The following ERC2 variants were observed in gnomAD, a reference collection of about 807,000 sequenced individuals.
The protein encoded by ERC2 is ERC protein 2.
Under a neutral mutation model 114.8 loss-of-function variants are expected in ERC2, and 42 were observed. The ratio of observed to expected loss-of-function variants is 0.37; its 90% confidence interval spans 0.29 to 0.47. ERC2 has a LOEUF of 0.47. ERC2 is among the 20% of genes least tolerant of loss of function. The pLI, the probability that ERC2 is intolerant of heterozygous loss-of-function variation, is 0.99. For synonymous variants in ERC2, 454 were observed against 425.5 expected (o/e 1.07, Z -0.82); for missense variants, 939 against 1,150.7 (o/e 0.82, Z 2.66).
chr3:56,142,665 G>A (rs2080923339), intron 5 of ERC2, among the ~76,000 whole-genome samples: 1 of 151,870 alleles, frequency 6.6e-6, no homozygotes. Context: ...CTCTTATTTA[G>A]ACATATTAAA....
At chr3:56,271,304 G>A (rs2053639622) in intron 3 of ERC2, among the ~76,000 whole-genome samples, 1 of 152,164 alleles carries the variant, frequency 6.6e-6, no homozygotes, top group South Asian at 2.1e-4. Context: ...TCATCCTACA[G>A]GAGCAATGAC....
At position 55,644,944 on chromosome 3, in the gene ERC2, C is replaced by T. The variant is rs565453085; in HGVS notation, c.*39+38850G>A. ...GATGGGTAGCTTTGCTTCCATATTG[C>T]TCACTACCCATAATTCAGCATATCT... On this transcript the variant is annotated intron_variant, in intron 17 of 17. Transcript: ENST00000288221. Among the ~76,000 whole-genome samples, 5 of 152,124 alleles carry T rather than the reference C, an allele frequency of 3.3e-5. No individual in the cohort carries two copies. In the South Asian group the frequency reaches 1.0e-3, roughly 32 times the overall value.
intron 2 of ERC2, among the ~76,000 whole-genome samples, chr3:56,332,039 G>C (rs774008104): frequency 1.3e-5 from 2 of 152,138 alleles, no homozygotes; most frequent in Non-Finnish European, 2.9e-5. Context: ...GGTTCAGGGA[G>C]CAGAGCAGGG....
At chr3:56,419,094 T>C (rs2061285728) in intron 2 of ERC2, among the ~76,000 whole-genome samples, 1 of 152,208 alleles carries the variant, frequency 6.6e-6, no homozygotes, top group Non-Finnish European at 1.5e-5. Flanking sequence ...CCTCTAAGGA[T>C]TTTCACAAGA....
intron 14 of ERC2, among the ~76,000 whole-genome samples, chr3:55,791,719 G>T (rs1368662507): frequency 3.9e-5 from 6 of 152,154 alleles, no homozygotes; most frequent in Non-Finnish European, 7.4e-5. Flanking sequence ...ATTCTTATTT[G>T]TGGTCAATAC....
At chr3:55,535,752 G>T (rs1455318676) in intron 17 of ERC2, among the ~76,000 whole-genome samples, 1 of 152,204 alleles carries the variant, frequency 6.6e-6, no homozygotes, top group Non-Finnish European at 1.5e-5. Context: ...CCAGCACTTT[G>T]GGAGGCCAAG....
intron 14 of ERC2, among the ~76,000 whole-genome samples, chr3:55,754,871 C>T (rs572587597): frequency 2.6e-5 from 4 of 152,148 alleles, no homozygotes; most frequent in Admixed American, 1.3e-4. Flanking sequence ...ATCTATAACC[C>T]ATAAGCTGTA....
chr3:55,806,836 C>G (rs139657805), intron 14 of ERC2, among the ~76,000 whole-genome samples: 1 of 152,298 alleles, frequency 6.6e-6, no homozygotes, highest in African/African-American at 2.4e-5. Flanking sequence ...AATGACTTAT[C>G]CTCACTCAGC....
chr3:56,270,709 G>A (rs1255170884), intron 3 of ERC2, among the ~76,000 whole-genome samples: 1 of 152,220 alleles, frequency 6.6e-6, no homozygotes, highest in Non-Finnish European at 1.5e-5. Context: ...GCAGGGCATG[G>A]TGGCTTATGC....
At chr3:55,982,018 C>A (rs2149505803) in intron 12 of ERC2, among the ~76,000 whole-genome samples, 1 of 152,256 alleles carries the variant, frequency 6.6e-6, no homozygotes, top group East Asian at 1.9e-4. Context: ...CCTGCCCTGG[C>A]TTTAGAGGGG....
chr3:56,154,667 T>C (rs1369013409), intron 4 of ERC2, among the ~76,000 whole-genome samples: 1 of 152,146 alleles, frequency 6.6e-6, no homozygotes, highest in East Asian at 1.9e-4. Flanking sequence ...TCTAAAGCAA[T>C]CCAGACAGAC....
At chr3:56,246,358 C>A (rs2051708551) in intron 3 of ERC2, among the ~76,000 whole-genome samples, 1 of 152,176 alleles carries the variant, frequency 6.6e-6, no homozygotes, top group Non-Finnish European at 1.5e-5. Context: ...CCCCTTCCCA[C>A]ACACACATCC....
At chr3:55,974,735 T>A (rs1255209134) in intron 12 of ERC2, among the ~76,000 whole-genome samples, 1 of 152,020 alleles carries the variant, frequency 6.6e-6, no homozygotes, top group Non-Finnish European at 1.5e-5. Context: ...GAAGGCCCAC[T>A]CACCAGGCCC....
intron 6 of ERC2, among the ~76,000 whole-genome samples, chr3:56,094,204 T>G (rs1320836597): frequency 1.3e-5 from 2 of 152,200 alleles, no homozygotes; most frequent in Non-Finnish European, 2.9e-5. Flanking sequence ...AAGAAAGGTT[T>G]GAGTGTGGCA....
intron 3 of ERC2, among the ~76,000 whole-genome samples, chr3:56,237,495 G>A (rs1482450261): frequency 1.3e-5 from 2 of 152,210 alleles, no homozygotes; most frequent in Non-Finnish European, 2.9e-5. Context: ...TTTTGGGGAT[G>A]TCAGTCACTG....
At chr3:55,717,012 T>C (rs2064159217) in intron 15 of ERC2, among the ~76,000 whole-genome samples, 2 of 152,118 alleles carry the variant, frequency 1.3e-5, no homozygotes, top group South Asian at 4.2e-4. Flanking sequence ...GACTCTCCCC[T>C]GAGATTTTGA....
intron 14 of ERC2, among the ~76,000 whole-genome samples, chr3:55,743,593 CAAAAA>C (rs367859231): frequency 2.1e-5 from 2 of 97,198 alleles, no homozygotes; most frequent in Non-Finnish European, 3.8e-5. Flanking sequence ...CCTGATCCAC[CAAAAA>C]AAAAAAAAAA....
chr3:55,851,375 T>C lies in ERC2; in HGVS notation c.2564+37014A>G, dbSNP rs770782967. Among the ~76,000 whole-genome samples, 26 of 152,240 alleles carry C rather than the reference T, an allele frequency of 1.7e-4. 1 individual carries two copies. The highest frequency in any genetic ancestry group is 3.4e-3 in the Middle Eastern group (1 of 294). On this transcript the variant is annotated intron_variant, in intron 14 of 17. Coordinates refer to ENST00000288221, the MANE Select transcript of ERC2 (RefSeq NM_015576.3). Reference sequence around the variant, plus strand: ...GATAATGGTGTTTGCTACAACTCTTTACAATCAATTATTTTGTCATTGTCT... The same window carrying C: ...GATAATGGTGTTTGCTACAACTCTTCACAATCAATTATTTTGTCATTGTCT...
chr3:55,733,390 A>G (rs2065383489), intron 15 of ERC2, among the ~76,000 whole-genome samples: 1 of 151,890 alleles, frequency 6.6e-6, no homozygotes, highest in Non-Finnish European at 1.5e-5. Flanking sequence ...GTTCAGACAC[A>G]GTAGTGGTCT....
Sources: gnomAD v4.1 joint callset for allele counts (sites outside exome capture counted in the v4.1 genomes callset) on GRCh38, gnomAD v4.1.1 for gene constraint, MANE v1.5 for transcripts, NCBI Gene and HGNC (gene_info 2026-07-23, HGNC 2026-07-21) for gene names.